PITPNA: variants seen among roughly 807,000 people sequenced by gnomAD.
The protein encoded by PITPNA is phosphatidylinositol transfer protein alpha isoform.
PITPNA carries 13 observed loss-of-function variants against 50.3 expected under a neutral mutation model. The ratio of observed to expected loss-of-function variants is 0.26; its 90% confidence interval spans 0.17 to 0.41. The LOEUF (loss-of-function observed/expected upper bound fraction) is 0.41. Among genes scored for constraint, PITPNA ranks in the 10% least tolerant of loss-of-function variants. The pLI, the probability that PITPNA is intolerant of heterozygous loss-of-function variation, is 1.00. For synonymous variants in PITPNA, 120 were observed against 119.6 expected, an observed-to-expected ratio of 1.00 and a Z score of -0.02; for missense variants, 207 against 333.4, an observed-to-expected ratio of 0.62 and a Z score of 2.95.
chr17:1,534,976 C>A lies in PITPNA; in HGVS notation c.645+206G>T, dbSNP rs111837359. 8.5e-5 allele frequency among the ~76,000 whole-genome samples: 13 copies of A among 152,312 alleles called. No individual in the cohort carries two copies. In the East Asian group the frequency reaches 1.5e-3, roughly 18 times the overall value. ...ATCTTCTTCACTGGGCCAAACACCC[C>A]CCACCGCACACACACGCAGTCACTG... On this transcript the variant is annotated intron_variant, in intron 9 of 11. Coordinates refer to ENST00000313486, the MANE Select transcript of PITPNA (RefSeq NM_006224.4).
At chr17:1,553,831 C>A (rs376305018) in intron 2 of PITPNA, among the ~76,000 whole-genome samples, 1 of 152,204 alleles carries the variant, frequency 6.6e-6, no homozygotes, top group Non-Finnish European at 1.5e-5. Flanking sequence ...CTCCTCACCC[C>A]GCAAGTAGCT....
At chr17:1,560,416 C>T (rs2075762262) in intron 1 of PITPNA, among the ~76,000 whole-genome samples, 1 of 152,220 alleles carries the variant, frequency 6.6e-6, no homozygotes, top group Non-Finnish European at 1.5e-5. Flanking sequence ...CCTCCCCCGT[C>T]CCCCGCCCAG....
intron 9 of PITPNA, among the ~76,000 whole-genome samples, chr17:1,534,860 G>C (rs187279677): frequency 6.6e-6 from 1 of 152,352 alleles, no homozygotes; most frequent in Admixed American, 6.5e-5. Flanking sequence ...AGACATTTCA[G>C]TGCAAGGGAA....
At chr17:1,554,837 C>T (rs573454061) in intron 2 of PITPNA, among the ~76,000 whole-genome samples, 75 of 152,284 alleles carry the variant, frequency 4.9e-4, no homozygotes, top group African/African-American at 1.7e-3. Flanking sequence ...AATCGAGGCT[C>T]AGTGAAATCC....
At chr17:1,533,221 G>A (rs1332110042) in intron 10 of PITPNA, among the ~76,000 whole-genome samples, 3 of 152,222 alleles carry the variant, frequency 2.0e-5, no homozygotes, top group Non-Finnish European at 4.4e-5. Flanking sequence ...AAGATGGCAG[G>A]AGGGCCCAAA....
intron 10 of PITPNA, among the ~76,000 whole-genome samples, chr17:1,529,571 T>C (rs1262337910): frequency 6.6e-6 from 1 of 150,536 alleles, no homozygotes; most frequent in East Asian, 2.0e-4. Flanking sequence ...TTTTAGATTC[T>C]TGGCTGGGCA....
At chr17:1,521,543 G>A (rs75616938) in intron 11 of PITPNA, 36 bp downstream of exon 11, 93,753 of 1,453,682 alleles carry the variant, frequency 0.064, 3,465 homozygotes, top group Non-Finnish European at 0.077. Context: ...TGATTTTAGC[G>A]TCTGTGACAC....
intron 11 of PITPNA, 135 bp downstream of exon 11, chr17:1,521,444 T>C: frequency 1.5e-6 from 1 of 677,732 alleles, no homozygotes; most frequent in Admixed American, 2.2e-5. Context: ...AGTGGAGAGC[T>C]ATCGAGCGTG....
intron 2 of PITPNA, among the ~76,000 whole-genome samples, chr17:1,558,197 C>T (rs1209639984): frequency 2.0e-5 from 3 of 149,028 alleles, no homozygotes; most frequent in Non-Finnish European, 4.4e-5. Flanking sequence ...CACCACTGCA[C>T]TCCAGCCTGG....
Position 1,544,467 on chromosome 17 carries a change from T to C in PITPNA, c.290-1440A>G, listed in dbSNP as rs146223420. 9.0e-4 allele frequency among the ~76,000 whole-genome samples: 137 copies of C among 152,198 alleles called. 1 individual carries two copies. Among genetic ancestry groups the C allele is most frequent in the African/African-American group, 2.9e-3 (120 of 41,538 alleles). ...CCCTTGCTGACCTTTTCATGCAAAC[T>C]TGGGTGATCAAACAATCCTCCCCAA... On this transcript the variant is annotated intron_variant, in intron 4 of 11. Coordinates refer to ENST00000313486, the MANE Select transcript of PITPNA (RefSeq NM_006224.4).
chr17:1,520,468 C>G lies in PITPNA; in HGVS notation c.*93G>C, dbSNP rs1040370417. Reference sequence around the variant, plus strand: ...CTGAAGAATGGGCACAGAACGGCTGCGTCCGAAAATGGCCTGTCACTTGGG... The same window carrying G: ...CTGAAGAATGGGCACAGAACGGCTGGGTCCGAAAATGGCCTGTCACTTGGG... On this transcript the variant is annotated 3_prime_UTR_variant, in exon 12 of 12. Coordinates refer to ENST00000313486, the MANE Select transcript of PITPNA (RefSeq NM_006224.4). 2.6e-5 allele frequency: 4 copies of G among 152,664 alleles called. No individual in the cohort carries two copies. The highest frequency in any genetic ancestry group is 9.7e-5 in the African/African-American group (4 of 41,442). 9.5% of individuals were successfully genotyped at this position (152,664 alleles called of 1,614,324 possible).
At chr17:1,554,287 T>C (rs762633099) in intron 2 of PITPNA, among the ~76,000 whole-genome samples, 3 of 151,414 alleles carry the variant, frequency 2.0e-5, no homozygotes, top group Non-Finnish European at 4.4e-5. Flanking sequence ...AAAAAAGCTA[T>C]GGGATTACCC....
chr17:1,562,064 G>A lies in PITPNA; in HGVS notation c.20+477C>T, dbSNP rs1411064298. ...CGACCCCACAGCACTCCCAGCGCTC[G>A]GCGTCCCCTCGGCCTCCCCCAGTCC... On this transcript the variant is annotated intron_variant, in intron 1 of 11. Transcript: ENST00000313486. This position sits in a 1 kb window ranked among gnomAD's most constrained non-coding sequence, Gnocchi z 6.4. Among the ~76,000 whole-genome samples, 1 of 151,954 alleles carries A rather than the reference G, an allele frequency of 6.6e-6. No individual in the cohort carries two copies. Among genetic ancestry groups the A allele is most frequent in the African/African-American group, 2.4e-5 (1 of 41,378 alleles).
At chr17:1,558,668 A>C in intron 1 of PITPNA, 109 bp from the exon 2 acceptor site, 2 of 783,568 alleles carry the variant, frequency 2.6e-6, no homozygotes, top group Non-Finnish European at 4.4e-6. Flanking sequence ...GTAAGACACT[A>C]AATTCAGTGA....
chr17:1,547,264 G>A (rs556231784), intron 4 of PITPNA, among the ~76,000 whole-genome samples: 1 of 152,196 alleles, frequency 6.6e-6, no homozygotes, highest in East Asian at 1.9e-4. Context: ...TATTTGGGAG[G>A]CTGAGGCAGA....
intron 7 of PITPNA, 30 bp from the exon 8 acceptor site, chr17:1,535,548 GGGGAGT>G: frequency 6.9e-7 from 1 of 1,444,294 alleles, no homozygotes; most frequent in Non-Finnish European, 9.8e-7. Flanking sequence ...TGGGGTTGGA[GGGGAGT>G]GGGAGAGGGA....
At chr17:1,531,733 G>A (rs2075584802) in intron 10 of PITPNA, among the ~76,000 whole-genome samples, 1 of 151,922 alleles carries the variant, frequency 6.6e-6, no homozygotes, top group Non-Finnish European at 1.5e-5. Flanking sequence ...ATTAACAAAA[G>A]CAACAACCAT....
At chr17:1,536,327 G>A (rs1447745092) in intron 7 of PITPNA, among the ~76,000 whole-genome samples, 1 of 139,322 alleles carries the variant, frequency 7.2e-6, no homozygotes, top group Non-Finnish European at 1.5e-5. Flanking sequence ...TCGCTCTGTT[G>A]GCCAGGCTGG....
chr17:1,553,187 C>G, intron 2 of PITPNA, 38 bp from the exon 3 acceptor site: 1 of 1,610,000 alleles, frequency 6.2e-7, no homozygotes, highest in Non-Finnish European at 8.5e-7. Flanking sequence ...CAACACGGAC[C>G]CTTCTCAACG....
Sources: allele counts gnomAD v4.1 joint callset (sites outside exome capture counted in the v4.1 genomes callset), GRCh38; gene constraint gnomAD v4.1.1; non-coding constraint Gnocchi (gnomAD v3.1); transcripts MANE v1.5; gene names NCBI Gene and HGNC (gene_info 2026-07-23, HGNC 2026-07-21).